LRRC69: variants seen among roughly 807,000 people sequenced by gnomAD.
LRRC69 encodes the protein leucine rich repeat containing 69.
LRRC69 carries 42 observed loss-of-function variants against 37.8 expected under a neutral mutation model. The ratio of observed to expected loss-of-function variants is 1.11; its 90% CI spans 0.87 to 1.44. LRRC69 has a LOEUF of 1.44. LRRC69 is among the 40% of genes most tolerant of loss of function. The pLI, the probability that LRRC69 is intolerant of heterozygous loss-of-function variation, is 0.00. For synonymous variants in LRRC69, 141 were observed against 143.1 expected, an observed-to-expected ratio of 0.99 and a Z score of 0.11; for missense variants, 357 against 401.9, an observed-to-expected ratio of 0.89 and a Z score of 0.96.
intron 6 of LRRC69, among the ~76,000 whole-genome samples, chr8:91,191,087 G>A (rs1310270933): frequency 6.8e-6 from 1 of 146,036 alleles, no homozygotes; most frequent in African/African-American, 2.6e-5. Context: ...AAAAGCAAAG[G>A]GACAGTGACC....
intron 7 of LRRC69, among the ~76,000 whole-genome samples, chr8:91,202,981 G>GT (rs1364550619): frequency 2.0e-5 from 3 of 152,058 alleles, no homozygotes; most frequent in East Asian, 1.9e-4. Flanking sequence ...AGATTTCCAG[G>GT]TTTTTTTGGC....
intron 7 of LRRC69, among the ~76,000 whole-genome samples, chr8:91,211,135 T>C (rs1809907764): frequency 1.3e-5 from 2 of 152,148 alleles, no homozygotes; most frequent in African/African-American, 4.8e-5. Context: ...TGTAGACTTA[T>C]ATGTGTAGAT....
chr8:91,135,575 T>A (rs539862888), intron 4 of LRRC69, 93 bp from the exon 5 acceptor site: 1 of 761,940 alleles, frequency 1.3e-6, no homozygotes, highest in African/African-American at 1.9e-5. Flanking sequence ...ATGGCCACCT[T>A]CATCATGTTG....
At chr8:91,199,772 G>A (rs1384143057) in intron 6 of LRRC69, among the ~76,000 whole-genome samples, 2 of 152,198 alleles carry the variant, frequency 1.3e-5, no homozygotes, top group East Asian at 3.9e-4. Flanking sequence ...AAATTTAATG[G>A]ATTCAGGCAA....
chr8:91,160,163 A>ATTTTTTCTTTTTTC (rs542120217), intron 5 of LRRC69, among the ~76,000 whole-genome samples: 1 of 150,390 alleles, frequency 6.6e-6, no homozygotes, highest in Non-Finnish European at 1.5e-5. Flanking sequence ...AAATGGGATA[A>ATTTTTTCTTTTTTC]TTTTTTCTTG....
At chr8:91,158,203 G>T in intron 5 of LRRC69, 1 of 1,603,016 alleles carries the variant, frequency 6.2e-7, no homozygotes, top group Non-Finnish European at 8.5e-7. Context: ...GTATTCCATG[G>T]GCTTACTATT....
At chr8:91,131,087 A>G (rs1417914849) in intron 3 of LRRC69, among the ~76,000 whole-genome samples, 2 of 152,168 alleles carry the variant, frequency 1.3e-5, no homozygotes, top group East Asian at 1.9e-4. Flanking sequence ...CATTTCTCCA[A>G]TACCATATGA....
chr8:91,192,230 T>C (rs1809510658), intron 6 of LRRC69, among the ~76,000 whole-genome samples: 1 of 152,186 alleles, frequency 6.6e-6, no homozygotes, highest in African/African-American at 2.4e-5. Flanking sequence ...CACATTTTCT[T>C]TATCCAGTCT....
chr8:91,164,064 A>AT (rs1194844489), intron 5 of LRRC69, among the ~76,000 whole-genome samples: 1 of 151,474 alleles, frequency 6.6e-6, no homozygotes, highest in Non-Finnish European at 1.5e-5. Context: ...AAGGCAATCA[A>AT]TTTTTTCATT....
At chr8:91,206,872 G>A in intron 7 of LRRC69, 1 of 1,280,322 alleles carries the variant, frequency 7.8e-7, no homozygotes, top group Non-Finnish European at 1.0e-6. Flanking sequence ...TCAGAAAGCT[G>A]CCAAGTAGAG....
intron 1 of LRRC69, chr8:91,118,240 C>G (rs769193516): frequency 2.2e-6 from 1 of 455,030 alleles, no homozygotes; most frequent in South Asian, 1.5e-5. Context: ...TGCGGTGGCT[C>G]ATGCCTGTAA....
At chr8:91,212,893 A>G (rs988384675) in intron 7 of LRRC69, among the ~76,000 whole-genome samples, 1 of 152,226 alleles carries the variant, frequency 6.6e-6, no homozygotes, top group African/African-American at 2.4e-5. Flanking sequence ...ATTAGAGTAT[A>G]AACATGAGCT....
At chr8:91,208,129 A>G (rs565835572) in intron 7 of LRRC69, among the ~76,000 whole-genome samples, 1 of 152,202 alleles carries the variant, frequency 6.6e-6, no homozygotes, top group Non-Finnish European at 1.5e-5. Context: ...AACACTTTAA[A>G]GACCCTATCT....
chr8:91,104,001 C>T (rs567572584), intron 1 of LRRC69, among the ~76,000 whole-genome samples: 52 of 152,026 alleles, frequency 3.4e-4, no homozygotes, highest in Non-Finnish European at 7.2e-4. Context: ...TCCCCTCATC[C>T]TCAATCCCGA....
At chr8:91,116,138 T>C (rs949875858) in intron 1 of LRRC69, among the ~76,000 whole-genome samples, 4 of 152,022 alleles carry the variant, frequency 2.6e-5, no homozygotes, top group Non-Finnish European at 4.4e-5. Context: ...TATGTGTGTA[T>C]GTGTGTGTGT....
At position 91,114,443 on chromosome 8, in the gene LRRC69, A is replaced by ATGTGTGTGTGTG. The variant is rs768028794; in HGVS notation, c.184-10048_184-10037dup. ...AAATGAATAAAGAAAATGTTTGTGT[A>ATGTGTGTGTGTG]TGTGTGTGTGTGTATATATATATGT... On this transcript the variant is annotated intron_variant, in intron 1 of 7. Coordinates refer to ENST00000448384, the Ensembl canonical transcript of LRRC69. Among the ~76,000 whole-genome samples, 91 of 66,964 alleles carry ATGTGTGTGTGTG rather than the reference A, an allele frequency of 1.4e-3. 1 individual carries two copies. Among genetic ancestry groups the ATGTGTGTGTGTG allele is most frequent in the South Asian group, 7.0e-3 (12 of 1,704 alleles). 43.9% of individuals were successfully genotyped at this position (66,964 alleles called of 152,430 possible).
intron 1 of LRRC69, among the ~76,000 whole-genome samples, chr8:91,110,662 G>A (rs1050123826): frequency 3.3e-5 from 5 of 151,914 alleles, no homozygotes; most frequent in Non-Finnish European, 5.9e-5. Flanking sequence ...AGGGAGTGGG[G>A]GAGTTTATCT....
At chr8:91,113,495 A>G (rs916513374) in intron 1 of LRRC69, among the ~76,000 whole-genome samples, 3 of 152,068 alleles carry the variant, frequency 2.0e-5, no homozygotes, top group Non-Finnish European at 2.9e-5. Flanking sequence ...ATGTTGGGAA[A>G]ATTAGATATC....
chr8:91,160,082 A>G (rs1287612371), intron 5 of LRRC69, among the ~76,000 whole-genome samples: 2 of 151,168 alleles, frequency 1.3e-5, no homozygotes. Flanking sequence ...TTTTGTAGGT[A>G]TCATTGTGGA....
Sources: gnomAD v4.1 joint callset for allele counts (sites outside exome capture counted in the v4.1 genomes callset) on GRCh38, gnomAD v4.1.1 for gene constraint, MANE v1.5 for transcripts, NCBI Gene and HGNC (gene_info 2026-07-23, HGNC 2026-07-21) for gene names.